NAB1: variants seen among roughly 807,000 people sequenced by gnomAD.
NAB1 encodes the protein NGFI-A-binding protein 1.
In NAB1, 25 loss-of-function variants were observed where a neutral mutation model predicts 49.9. The ratio of observed to expected loss-of-function variants is 0.50; its 90% CI spans 0.37 to 0.70. The LOEUF (loss-of-function observed/expected upper bound fraction) is 0.70, where lower values mean the gene tolerates loss of function less well. NAB1 is among the 30% of genes least tolerant of loss of function. The pLI is 0.00. For missense variants in NAB1, 489 were observed against 575.9 expected (o/e 0.85, Z 1.54); for synonymous variants, 198 against 215.6 (o/e 0.92, Z 0.71).
At position 190,680,149 on chromosome 2, in the gene NAB1, G is replaced by A. The variant is rs921076139; in HGVS notation, c.1006-3589G>A. On this transcript the variant is annotated intron_variant, in intron 6 of 9. Transcript: ENST00000337386. This position sits in a 1 kb window ranked among gnomAD's most constrained non-coding sequence, Gnocchi z 5.2. ...ACCACCCTGAACTCCCCTCCTCCGC[G>A]TACATTCTCCCCATCACATTCACAT... 2.6e-5 allele frequency among the ~76,000 whole-genome samples: 4 copies of A among 152,102 alleles called. No individual in the cohort carries two copies. Among genetic ancestry groups the A allele is most frequent in the African/African-American group, 9.7e-5 (4 of 41,426 alleles).
rs573028836 is a variant in NAB1, at chr2:190,678,929, G to A, written c.1006-4809G>A. Among the ~76,000 whole-genome samples the A allele has an allele frequency of 6.6e-6, 1 of 152,368 alleles. No individual in the cohort carries two copies. Among genetic ancestry groups the A allele is most frequent in the East Asian group, 1.9e-4 (1 of 5,188 alleles). ...GAGACAGCTAAGCAGTGGCTTTAAA[G>A]CAGCTTGCTAGTGTTCGGCAGAAAG... is the stretch of plus-strand genomic sequence containing the variant. On this transcript the variant is annotated intron_variant, in intron 6 of 9. Transcript: ENST00000337386. The surrounding 1 kb of genome is among the most constrained non-coding windows in gnomAD (Gnocchi z 4.9).
At position 190,674,953 on chromosome 2, in the gene NAB1, T is replaced by G. The variant is rs1198489665; in HGVS notation, c.1005+1801T>G. On this transcript the variant is annotated intron_variant, in intron 6 of 9. Coordinates refer to ENST00000337386, the MANE Select transcript of NAB1 (RefSeq NM_005966.4). The surrounding 1 kb of genome is among the most constrained non-coding windows in gnomAD (Gnocchi z 5.7). ...AGCTCTGGAATAATGTTTAAGATGGTTAACTCAGAAAATGTTGAAATTATC... is the reference window on the plus strand; with the variant it reads ...AGCTCTGGAATAATGTTTAAGATGGGTAACTCAGAAAATGTTGAAATTATC... Among the ~76,000 whole-genome samples, 1 of 152,186 alleles carries G rather than the reference T, an allele frequency of 6.6e-6. No homozygotes were observed. Among genetic ancestry groups the G allele is most frequent in the Admixed American group, 6.5e-5 (1 of 15,274 alleles).
Position 190,683,807 on chromosome 2 carries a change from C to T in NAB1, c.1075C>T (p.Leu359Phe). Reference protein sequence around the residue: ...FQQARAKSEELAALSSQQPEK... With the variant: ...FQQARAKSEEFAALSSQQPEK... The stretch of plus-strand genomic sequence containing the variant: ...GCAGGCTAGAGCTAAGAGTGAAGAA[C>T]TTGCAGCTCTTAGTTCACAGGTAAC... The change falls in exon 7 of 10, where the codon CTT (leucine) becomes TTT (phenylalanine). Residue 359 changes from leucine (L) to phenylalanine (F), a missense_variant. By Grantham distance (22) the Leu-to-Phe change is conservative. Coordinates refer to ENST00000337386, the MANE Select transcript of NAB1 (RefSeq NM_005966.4). The T allele has an allele frequency of 1.2e-6, 2 of 1,613,294 alleles. No individual in the cohort carries two copies. The highest frequency in any genetic ancestry group is 1.7e-6 in the Non-Finnish European group (2 of 1,179,600).
chr2:190,664,659 T>A (rs1334762840), intron 4 of NAB1, among the ~76,000 whole-genome samples: 3 of 127,580 alleles, frequency 2.4e-5, no homozygotes, highest in African/African-American at 8.7e-5. Flanking sequence ...CTCAAACTCC[T>A]GGGCTCAAGC....
intron 6 of NAB1, among the ~76,000 whole-genome samples, chr2:190,681,623 A>G (rs1695348626): frequency 6.6e-6 from 1 of 152,258 alleles, no homozygotes; most frequent in Non-Finnish European, 1.5e-5. Context: ...ATACTGGCCC[A>G]TGATAAAGCT....
chr2:190,659,317 G>A lies in NAB1; in HGVS notation c.141G>A (p.Glu47=), dbSNP rs760919219. 1.2e-6 allele frequency: 2 copies of A among 1,613,984 alleles called. No homozygotes were observed. The part of the protein sequence containing the change: ...DVQQLCEAGE[E]EFLEIMALVG... ...AGCAACTCTGTGAAGCAGGAGAAGA[G>A]GAGTTTTTGGAAATCATGGCACTCG... is the stretch of plus-strand genomic sequence containing the variant. Residue 47 remains glutamate, a synonymous_variant, in exon 4 of 10, where the codon GAG becomes GAA. Transcript: ENST00000337386. This position sits in a 1 kb window ranked among gnomAD's most constrained non-coding sequence, Gnocchi z 6.2.
At chr2:190,664,349 CTT>C (rs539518993) in intron 4 of NAB1, among the ~76,000 whole-genome samples, 7 of 143,742 alleles carry the variant, frequency 4.9e-5, no homozygotes, top group Admixed American at 7.0e-5. Flanking sequence ...ATCTTTATAT[CTT>C]TTTTTTTTTT....
intron 9 of NAB1, among the ~76,000 whole-genome samples, chr2:190,688,796 CTTTCTTTCCTTTCT>C (rs949472865): frequency 2.7e-5 from 4 of 150,912 alleles, no homozygotes; most frequent in East Asian, 1.9e-4. Flanking sequence ...TCTTTCCTTC[CTTTCTTTCCTTTCT>C]TTTCTTTCCT....
At chr2:190,671,036 T>G (rs866241077) in intron 5 of NAB1, among the ~76,000 whole-genome samples, 1 of 152,248 alleles carries the variant, frequency 6.6e-6, no homozygotes, top group Admixed American at 6.5e-5. Context: ...TTCTTCACCC[T>G]ATCCTTACTT....
At position 190,667,681 on chromosome 2, in the gene NAB1, C is replaced by G. The variant is rs2125697404; in HGVS notation, c.820-2645C>G. On this transcript the variant is annotated intron_variant, in intron 4 of 9. Transcript: ENST00000337386. The surrounding 1 kb of genome is among the most constrained non-coding windows in gnomAD (Gnocchi z 4.4). ...CTGTCAGTGGCCAAATTAATTGTCT[C>G]AGAACAAATTAATATAAATTACAGT... Among the ~76,000 whole-genome samples the G allele has an allele frequency of 6.6e-6, 1 of 152,148 alleles. No homozygotes were observed. Among genetic ancestry groups the G allele is most frequent in the African/African-American group, 2.4e-5 (1 of 41,508 alleles).
intron 8 of NAB1, 99 bp from the exon 9 acceptor site, chr2:190,687,102 C>G: frequency 1.8e-6 from 1 of 543,546 alleles, no homozygotes; most frequent in Non-Finnish European, 3.1e-6. Flanking sequence ...GTTGACTCTC[C>G]TCACTTTTTT....
chr2:190,656,788 A>G (rs1388924729), intron 3 of NAB1, among the ~76,000 whole-genome samples: 3 of 152,140 alleles, frequency 2.0e-5, no homozygotes, highest in East Asian at 1.9e-4. Flanking sequence ...TGTCTAACAT[A>G]TATTTTTTCT....
chr2:190,650,980 A>G (rs1693635363), intron 2 of NAB1, among the ~76,000 whole-genome samples: 1 of 152,062 alleles, frequency 6.6e-6, no homozygotes, highest in Admixed American at 6.5e-5. Flanking sequence ...TATTATTTTT[A>G]CCATTTTGCA....
chr2:190,670,538 A>G lies in NAB1; in HGVS notation c.953+79A>G. 3.5e-6 allele frequency: 5 copies of G among 1,433,464 alleles called. No individual in the cohort carries two copies. The highest frequency in any genetic ancestry group is 1.3e-5 in the South Asian group (1 of 78,824). 88.8% of individuals were successfully genotyped at this position (1,433,464 alleles called of 1,614,324 possible). Reference sequence around the variant, plus strand: ...TCGAAACATCATCTATTGATAGAATATAAGCATTTCTGAAAAAGTGGAAGT... The same window carrying G: ...TCGAAACATCATCTATTGATAGAATGTAAGCATTTCTGAAAAAGTGGAAGT... On this transcript the variant is annotated intron_variant, in intron 5 of 9. Coordinates refer to ENST00000337386, the MANE Select transcript of NAB1 (RefSeq NM_005966.4). The surrounding 1 kb of genome is among the most constrained non-coding windows in gnomAD (Gnocchi z 5.3).
At chr2:190,653,942 A>G (rs948480406) in intron 2 of NAB1, among the ~76,000 whole-genome samples, 2 of 152,166 alleles carry the variant, frequency 1.3e-5, no homozygotes, top group African/African-American at 4.8e-5. Flanking sequence ...GAGAATGAAA[A>G]GGATTGTAGG....
chr2:190,682,587 T>C lies in NAB1; in HGVS notation c.1006-1151T>C, dbSNP rs993318711. On this transcript the variant is annotated intron_variant, in intron 6 of 9. Coordinates refer to ENST00000337386, the MANE Select transcript of NAB1 (RefSeq NM_005966.4). This position sits in a 1 kb window ranked among gnomAD's most constrained non-coding sequence, Gnocchi z 4.1. ...ATTTCAGATAGGTCAGAGGGTTAAA[T>C]TTAAAAAACAAATCAAACTTTTAGA... Among the ~76,000 whole-genome samples, 3 of 152,192 alleles carry C rather than the reference T, an allele frequency of 2.0e-5. No individual in the cohort carries two copies. The highest frequency in any genetic ancestry group is 2.0e-4 in the Admixed American group (3 of 15,274).
Position 190,687,205 on chromosome 2 carries a change from AAGAC to A in NAB1, c.1264_1267del (p.Arg422LeufsTer2). The stretch of plus-strand genomic sequence containing the variant: ...TTTCTTTTTTCTTTTCATTAGGAGA[AAGAC>A]CTTTGAATCTCCGAATGCCTAATTT... On this transcript the variant is annotated frameshift_variant, in exon 9 of 10. Coordinates refer to ENST00000337386, the MANE Select transcript of NAB1 (RefSeq NM_005966.4). LOFTEE classifies it high-confidence loss of function. 1 of 1,564,542 alleles carries A rather than the reference AAGAC, an allele frequency of 6.4e-7. No homozygotes were observed. Among genetic ancestry groups the A allele is most frequent in the Non-Finnish European group, 8.6e-7 (1 of 1,161,702 alleles).
intron 2 of NAB1, among the ~76,000 whole-genome samples, chr2:190,655,198 TGAATAACA>T (rs1215105861): frequency 1.3e-5 from 2 of 152,228 alleles, no homozygotes; most frequent in African/African-American, 2.4e-5. Flanking sequence ...TGAGTTTTAC[TGAATAACA>T]GAAGTGTCTA....
Position 190,686,106 on chromosome 2 carries a change from G to A in NAB1, c.1258+468G>A, listed in dbSNP as rs116881005. Among the ~76,000 whole-genome samples, 679 of 152,280 alleles carry A rather than the reference G, an allele frequency of 4.5e-3. 10 individuals carry two copies. The East Asian group carries it at 0.046, about 10-fold the overall frequency. The stretch of plus-strand genomic sequence containing the variant: ...TCAGGTTTAGAAAGCCATGTGATTC[G>A]TGAGTGTTTTTACCATTCTAAAAAG... On this transcript the variant is annotated intron_variant, in intron 8 of 9. Coordinates refer to ENST00000337386, the MANE Select transcript of NAB1 (RefSeq NM_005966.4). This position sits in a 1 kb window ranked among gnomAD's most constrained non-coding sequence, Gnocchi z 5.5.
Sources: gnomAD v4.1 joint callset for allele counts (sites outside exome capture counted in the v4.1 genomes callset) on GRCh38, gnomAD v4.1.1 for gene constraint, Gnocchi (gnomAD v3.1) non-coding constraint, MANE v1.5 for transcripts, NCBI Gene and HGNC (gene_info 2026-07-23, HGNC 2026-07-21) for gene names.